Variants in HS6ST3 observed in about 807,000 individuals in gnomAD.
HS6ST3 encodes the protein heparan-sulfate 6-O-sulfotransferase 3.
In HS6ST3, 12 loss-of-function variants were observed where a neutral mutation model predicts 36.7. The ratio of observed to expected loss-of-function variants is 0.33; its 90% CI spans 0.21 to 0.53. HS6ST3 has a LOEUF of 0.53. HS6ST3 is among the 20% of genes least tolerant of loss of function. HS6ST3 has a pLI of 0.95. For synonymous variants in HS6ST3, 240 were observed against 257.5 expected (o/e 0.93, Z 0.65); for missense variants, 584 against 640.9 (o/e 0.91, Z 0.96).
intron 1 of HS6ST3, among the ~76,000 whole-genome samples, chr13:96,749,427 A>G (rs1000531243): frequency 1.3e-5 from 2 of 152,176 alleles, no homozygotes; most frequent in African/African-American, 4.8e-5. Context: ...GTAAACATGT[A>G]GATTAATTTT....
intron 1 of HS6ST3, among the ~76,000 whole-genome samples, chr13:96,345,270 C>G (rs543963917): frequency 6.6e-6 from 1 of 152,186 alleles, no homozygotes; most frequent in African/African-American, 2.4e-5. Flanking sequence ...AAACAAAATA[C>G]AGCCTCTAGC....
intron 1 of HS6ST3, among the ~76,000 whole-genome samples, chr13:96,454,065 C>G (rs543471142): frequency 2.6e-5 from 4 of 152,252 alleles, no homozygotes; most frequent in South Asian, 2.1e-4. Context: ...ACCACTCCCC[C>G]ACCCCTAGCT....
intron 1 of HS6ST3, among the ~76,000 whole-genome samples, chr13:96,685,194 A>C (rs1207002133): frequency 6.6e-6 from 1 of 152,050 alleles, no homozygotes; most frequent in Non-Finnish European, 1.5e-5. Context: ...GAAAAGTGAT[A>C]TTTCAGGTTA....
chr13:96,497,125 A>G (rs1342822152), intron 1 of HS6ST3, among the ~76,000 whole-genome samples: 1 of 152,136 alleles, frequency 6.6e-6, no homozygotes, highest in Admixed American at 6.5e-5. Flanking sequence ...GAAGATCTCT[A>G]GTCGAAATGA....
chr13:96,818,488 G>A (rs1404471266), intron 1 of HS6ST3, among the ~76,000 whole-genome samples: 1 of 152,178 alleles, frequency 6.6e-6, no homozygotes, highest in Non-Finnish European at 1.5e-5. Context: ...AGCCCTGCTT[G>A]TTGTTCCTAG....
intron 1 of HS6ST3, among the ~76,000 whole-genome samples, chr13:96,221,829 A>G (rs911198792): frequency 6.6e-6 from 1 of 152,252 alleles, no homozygotes; most frequent in Non-Finnish European, 1.5e-5. Flanking sequence ...GTACTGGGAT[A>G]TAAAATAAGA....
At chr13:96,549,964 T>G (rs1345589908) in intron 1 of HS6ST3, among the ~76,000 whole-genome samples, 1 of 152,210 alleles carries the variant, frequency 6.6e-6, no homozygotes, top group Non-Finnish European at 1.5e-5. Context: ...ATCTCCCTTG[T>G]CACATTGTAT....
intron 1 of HS6ST3, among the ~76,000 whole-genome samples, chr13:96,342,722 T>A (rs559454618): frequency 3.3e-5 from 5 of 152,332 alleles, no homozygotes; most frequent in African/African-American, 9.6e-5. Context: ...GTTCATTTGG[T>A]GCTTAATTAT....
At chr13:96,348,098 A>G (rs2055164480) in intron 1 of HS6ST3, among the ~76,000 whole-genome samples, 1 of 152,240 alleles carries the variant, frequency 6.6e-6, no homozygotes, top group Non-Finnish European at 1.5e-5. Context: ...TACCAATGGA[A>G]TCAGAAAAAA....
chr13:96,798,061 GT>G (rs759680453), intron 1 of HS6ST3, among the ~76,000 whole-genome samples: 1 of 152,014 alleles, frequency 6.6e-6, no homozygotes, highest in Non-Finnish European at 1.5e-5. Context: ...CCTTCTTTGG[GT>G]TCAATTAATT....
intron 1 of HS6ST3, among the ~76,000 whole-genome samples, chr13:96,612,058 G>C (rs1377215019): frequency 6.6e-6 from 1 of 152,100 alleles, no homozygotes; most frequent in Non-Finnish European, 1.5e-5. Flanking sequence ...TCTCATATGG[G>C]GATAAAAGAG....
intron 1 of HS6ST3, among the ~76,000 whole-genome samples, chr13:96,126,356 C>T (rs1176808027): frequency 6.6e-6 from 1 of 152,234 alleles, no homozygotes; most frequent in Non-Finnish European, 1.5e-5. Flanking sequence ...CAGTTTGCTG[C>T]TTCCTCTCCA....
rs138682717 is a variant in HS6ST3, at chr13:96,622,859, T to G, written c.708-209631T>G. Among the ~76,000 whole-genome samples the G allele has an allele frequency of 1.7e-3, 256 of 152,312 alleles. 1 individual carries two copies. The highest frequency in any genetic ancestry group is 6.0e-3 in the African/African-American group (251 of 41,576). On this transcript the variant is annotated intron_variant, in intron 1 of 1. Transcript: ENST00000376705. ...ATATGGTTGTTATTTAGCTGTTTAA[T>G]GTGTCTCTTGTATTTTATATTTTAA...
chr13:96,640,773 A>G (rs941872633), intron 1 of HS6ST3, among the ~76,000 whole-genome samples: 2 of 151,990 alleles, frequency 1.3e-5, no homozygotes, highest in African/African-American at 4.8e-5. Flanking sequence ...TCTTCCGCAT[A>G]TAGCTAGCCA....
intron 1 of HS6ST3, among the ~76,000 whole-genome samples, chr13:96,411,867 C>A (rs56076859): frequency 0.34 from 51,467 of 151,928 alleles, 8,887 homozygotes; most frequent in South Asian, 0.45. Flanking sequence ...AGGAAGAAAT[C>A]TATAATGACT....
At chr13:96,242,966 A>G (rs560293159) in intron 1 of HS6ST3, among the ~76,000 whole-genome samples, 2 of 152,360 alleles carry the variant, frequency 1.3e-5, no homozygotes, top group Non-Finnish European at 2.9e-5. Flanking sequence ...GATAAAGAAA[A>G]TGTGGTATAC....
At chr13:96,135,650 C>T (rs770868837) in intron 1 of HS6ST3, among the ~76,000 whole-genome samples, 4 of 152,084 alleles carry the variant, frequency 2.6e-5, no homozygotes, top group Non-Finnish European at 5.9e-5. Context: ...TTAAACCACA[C>T]GGCATACTGC....
rs76385723 is a variant in HS6ST3, at chr13:96,736,506, T to C, written c.708-95984T>C. Among the ~76,000 whole-genome samples, 423 of 152,288 alleles carry C rather than the reference T, an allele frequency of 2.8e-3. 1 individual carries two copies. The highest frequency in any genetic ancestry group is 9.2e-3 in the African/African-American group (381 of 41,566). ...TAAATACAAGGCAATATAGAGACTTTAAGCTATTTATTATAGTCATCAATA... is the reference window on the plus strand; with the variant it reads ...TAAATACAAGGCAATATAGAGACTTCAAGCTATTTATTATAGTCATCAATA... On this transcript the variant is annotated intron_variant, in intron 1 of 1. Transcript: ENST00000376705.
chr13:96,317,458 T>C (rs948793756), intron 1 of HS6ST3, among the ~76,000 whole-genome samples: 1 of 148,742 alleles, frequency 6.7e-6, no homozygotes, highest in Non-Finnish European at 1.5e-5. Context: ...CTTTATCCAG[T>C]CCACTATTGA....
Sources: gnomAD v4.1 joint callset for allele counts (sites outside exome capture counted in the v4.1 genomes callset) on GRCh38, gnomAD v4.1.1 for gene constraint, MANE v1.5 for transcripts, NCBI Gene and HGNC (gene_info 2026-07-23, HGNC 2026-07-21) for gene names.